Variants in MPPED1 observed in about 807,000 individuals in gnomAD.
The protein encoded by MPPED1 is metallophosphoesterase domain-containing protein 1.
Under a neutral mutation model 36.2 loss-of-function variants are expected in MPPED1, and 16 were observed. The observed-to-expected ratio is 0.44, with a 90% CI of 0.30 to 0.67. The LOEUF (loss-of-function observed/expected upper bound fraction) is 0.67, where lower values mean the gene tolerates loss of function less well. MPPED1 is among the 30% of genes least tolerant of loss of function. MPPED1 has a pLI of 0.10. For missense variants in MPPED1, 307 were observed against 453.4 expected, an observed-to-expected ratio of 0.68 and a Z score of 2.93; for synonymous variants, 199 against 191.3, an observed-to-expected ratio of 1.04 and a Z score of -0.33.
chr22:43,488,397 C>T (rs146544259), intron 4 of MPPED1, among the ~76,000 whole-genome samples: 25 of 152,318 alleles, frequency 1.6e-4, no homozygotes, highest in Middle Eastern at 3.4e-3. Flanking sequence ...GTAGGCTCGG[C>T]TTCTGCCATT....
At chr22:43,500,403 G>GTGATGA (rs1932689874) in intron 5 of MPPED1, among the ~76,000 whole-genome samples, 3 of 131,286 alleles carry the variant, frequency 2.3e-5, no homozygotes, top group East Asian at 2.2e-4. Flanking sequence ...GGAGGTGGTA[G>GTGATGA]TGGTGGTGAT....
intron 3 of MPPED1, among the ~76,000 whole-genome samples, chr22:43,471,713 G>A (rs1931383251): frequency 6.6e-6 from 1 of 152,294 alleles, no homozygotes; most frequent in Admixed American, 6.5e-5. Flanking sequence ...TCTGTACCAT[G>A]CCTGGTCGCA....
intron 3 of MPPED1, among the ~76,000 whole-genome samples, chr22:43,468,157 T>C (rs1423736166): frequency 6.6e-6 from 1 of 152,240 alleles, no homozygotes; most frequent in Non-Finnish European, 1.5e-5. Context: ...AATACTTAAA[T>C]GTCTTTGCAA....
At chr22:43,448,495 G>A (rs879798193) in intron 3 of MPPED1, among the ~76,000 whole-genome samples, 1 of 152,210 alleles carries the variant, frequency 6.6e-6, no homozygotes, top group Non-Finnish European at 1.5e-5. Context: ...TGAGCTCAGC[G>A]GGGAGAAATC....
intron 2 of MPPED1, among the ~76,000 whole-genome samples, chr22:43,434,514 C>A (rs1041771601): frequency 2.0e-5 from 3 of 152,208 alleles, no homozygotes; most frequent in Non-Finnish European, 4.4e-5. Context: ...AAATCTGGTG[C>A]TTGGGGAGTG....
At chr22:43,475,218 G>A (rs1314041238) in intron 4 of MPPED1, among the ~76,000 whole-genome samples, 2 of 152,064 alleles carry the variant, frequency 1.3e-5, no homozygotes, top group Admixed American at 6.6e-5. Context: ...TTACAGGCAG[G>A]TACTATTATC....
At chr22:43,466,480 C>A (rs1052841899) in intron 3 of MPPED1, among the ~76,000 whole-genome samples, 2 of 152,210 alleles carry the variant, frequency 1.3e-5, no homozygotes, top group Non-Finnish European at 2.9e-5. Context: ...CGTTAATCTT[C>A]CTGAATAGCC....
At chr22:43,471,651 C>T (rs1931380913) in intron 3 of MPPED1, among the ~76,000 whole-genome samples, 1 of 152,232 alleles carries the variant, frequency 6.6e-6, no homozygotes, top group African/African-American at 2.4e-5. Context: ...CTCAGGCCCA[C>T]GCAGCCCTCT....
At position 43,433,623 on chromosome 22, in the gene MPPED1, G is replaced by A. The variant is rs369883550; in HGVS notation, c.225-1411G>A. Among the ~76,000 whole-genome samples, 20 of 152,338 alleles carry A rather than the reference G, an allele frequency of 1.3e-4. 6 individuals carry two copies. The highest frequency in any genetic ancestry group is 9.6e-5 in the African/African-American group (4 of 41,576). ...GGCCCCGGGTGCGCGCTCCCGCCGCGGCATCGTGGTGGGGAGAGGCTGGCT... is the reference window on the plus strand; with the variant it reads ...GGCCCCGGGTGCGCGCTCCCGCCGCAGCATCGTGGTGGGGAGAGGCTGGCT... On this transcript the variant is annotated intron_variant, in intron 2 of 6. Coordinates refer to ENST00000443721, the MANE Select transcript of MPPED1 (RefSeq NM_001044370.2).
chr22:43,446,200 C>T (rs1412691556), intron 3 of MPPED1, among the ~76,000 whole-genome samples: 2 of 152,178 alleles, frequency 1.3e-5, no homozygotes, highest in Admixed American at 6.5e-5. Flanking sequence ...ATTTTTAACT[C>T]TGCCTCAAAC....
rs569542637 is a variant in MPPED1 at position 43,499,300 on chromosome 22, T to G, written c.748+950T>G. ...ATGGGGGTGGTGATGGATGTGATGGTGGTGGTGATAGAAGTGGTGACGTGG... is the reference window on the plus strand; with the variant it reads ...ATGGGGGTGGTGATGGATGTGATGGGGGTGGTGATAGAAGTGGTGACGTGG... On this transcript the variant is annotated intron_variant, in intron 5 of 6. Transcript: ENST00000443721. 1.1e-4 allele frequency among the ~76,000 whole-genome samples: 12 copies of G among 106,376 alleles called. 1 individual carries two copies. The highest frequency in any genetic ancestry group is 3.5e-4 in the African/African-American group (11 of 31,280). 69.8% of individuals were successfully genotyped at this position (106,376 alleles called of 152,430 possible). A position where few individuals can be genotyped will look rare whatever the true frequency, so the allele number is the denominator to read the frequency against.
chr22:43,487,200 G>A (rs1322895872), intron 4 of MPPED1, among the ~76,000 whole-genome samples: 1 of 152,200 alleles, frequency 6.6e-6, no homozygotes, highest in Non-Finnish European at 1.5e-5. Context: ...TGTGCTGGGG[G>A]AGGCAGGTGA....
intron 3 of MPPED1, among the ~76,000 whole-genome samples, chr22:43,463,336 T>TTC (rs1394120579): frequency 2.1e-5 from 3 of 143,956 alleles, no homozygotes; most frequent in African/African-American, 8.3e-5. Flanking sequence ...TTTTTCTTTT[T>TTC]TTTTTTTTTT....
chr22:43,445,007 G>A (rs1306367847), intron 3 of MPPED1, among the ~76,000 whole-genome samples: 1 of 152,194 alleles, frequency 6.6e-6, no homozygotes, highest in Non-Finnish European at 1.5e-5. Flanking sequence ...CCAGTGCTAT[G>A]TGGGCTGTAA....
intron 4 of MPPED1, among the ~76,000 whole-genome samples, chr22:43,495,365 G>A (rs151170658): frequency 0.018 from 2,704 of 148,826 alleles, 34 homozygotes; most frequent in Middle Eastern, 0.036. Context: ...GGTGATGGTG[G>A]TGATGGTAGT....
intron 3 of MPPED1, among the ~76,000 whole-genome samples, chr22:43,450,064 C>T (rs565731604): frequency 3.9e-4 from 59 of 152,158 alleles, no homozygotes; most frequent in Non-Finnish European, 7.6e-4. Context: ...CAGGGCGTAG[C>T]GCCCCAACCC....
chr22:43,463,443 C>T (rs369841608), intron 3 of MPPED1, among the ~76,000 whole-genome samples: 1 of 151,782 alleles, frequency 6.6e-6, no homozygotes, highest in African/African-American at 2.4e-5. Flanking sequence ...GCTGTCCTCC[C>T]ACCTCAGCCT....
chr22:43,479,156 G>A (rs1403664176), intron 4 of MPPED1, among the ~76,000 whole-genome samples: 2 of 152,204 alleles, frequency 1.3e-5, no homozygotes, highest in East Asian at 1.9e-4. Flanking sequence ...CGGGCATATG[G>A]CAGCTCATTC....
At chr22:43,494,360 G>T (rs1365928803) in intron 4 of MPPED1, among the ~76,000 whole-genome samples, 1 of 152,166 alleles carries the variant, frequency 6.6e-6, no homozygotes, top group Non-Finnish European at 1.5e-5. Flanking sequence ...GGCTTCTGAT[G>T]GTTGCTGGTG....
Sources: allele counts gnomAD v4.1 joint callset (sites outside exome capture counted in the v4.1 genomes callset), GRCh38; gene constraint gnomAD v4.1.1; transcripts MANE v1.5; gene names NCBI Gene and HGNC (gene_info 2026-07-23, HGNC 2026-07-21).